CCDC7: variants seen among roughly 807,000 people sequenced by gnomAD.
CCDC7 encodes coiled-coil domain containing 7.
Under a neutral mutation model 196.9 loss-of-function variants are expected in CCDC7, and 183 were observed. That is an observed-to-expected ratio of 0.93 (90% CI 0.82 to 1.05). The LOEUF (loss-of-function observed/expected upper bound fraction) is 1.05. Among genes scored for constraint, CCDC7 ranks in the 50% least tolerant of loss-of-function variants. The probability of loss-of-function intolerance (pLI) is 0.00; values close to 1 mark genes in which losing one functional copy is unlikely to be tolerated. For synonymous variants in CCDC7, 525 were observed against 484.6 expected, an observed-to-expected ratio of 1.08 and a Z score of -1.10; for missense variants, 1,540 against 1,482.2, an observed-to-expected ratio of 1.04 and a Z score of -0.64.
At chr10:32,548,276 T>G (rs549855238) in intron 13 of CCDC7, among the ~76,000 whole-genome samples, 1 of 152,034 alleles carries the variant, frequency 6.6e-6, no homozygotes, top group Non-Finnish European at 1.5e-5. Context: ...TTGGCTATTT[T>G]AAAGAGAGCA....
intron 3 of CCDC7, among the ~76,000 whole-genome samples, chr10:32,460,823 C>G (rs373441156): frequency 6.6e-6 from 1 of 152,120 alleles, no homozygotes; most frequent in African/African-American, 2.4e-5. Flanking sequence ...AGTCCCACTT[C>G]TAGAATTTCT....
chr10:32,543,279 G>T, intron 11 of CCDC7, 21 bp from the exon 13 acceptor site: 4 of 1,376,100 alleles, frequency 2.9e-6, no homozygotes, highest in East Asian at 2.7e-5. Flanking sequence ...CTTTATTTCT[G>T]GCTTATGTAA....
intron 9 of CCDC7, among the ~76,000 whole-genome samples, chr10:32,515,990 A>G (rs2046968628): frequency 6.6e-6 from 1 of 152,188 alleles, no homozygotes; most frequent in African/African-American, 2.4e-5. Context: ...CATCAGAAGT[A>G]CAATCAACAA....
At chr10:32,805,381 T>C (rs2085617898) in intron 30 of CCDC7, among the ~76,000 whole-genome samples, 1 of 152,220 alleles carries the variant, frequency 6.6e-6, no homozygotes, top group Admixed American at 6.5e-5. Context: ...TTCAAAATTA[T>C]TTTAGTCCCT....
chr10:32,790,699 G>C (rs1362395782), intron 29 of CCDC7, among the ~76,000 whole-genome samples: 1 of 152,124 alleles, frequency 6.6e-6, no homozygotes, highest in Non-Finnish European at 1.5e-5. Flanking sequence ...CTGTGTCAGT[G>C]CTTCATTCTG....
intron 28 of CCDC7, among the ~76,000 whole-genome samples, chr10:32,739,681 T>C (rs2085480548): frequency 1.3e-5 from 2 of 151,998 alleles, no homozygotes; most frequent in Non-Finnish European, 1.5e-5. Flanking sequence ...TTAGCATGAC[T>C]TGAAATTTTT....
chr10:32,448,375 C>A (rs976763320), upstream of CCDC7, among the ~76,000 whole-genome samples: 1 of 151,788 alleles, frequency 6.6e-6, no homozygotes, highest in Non-Finnish European at 1.5e-5. Flanking sequence ...AGCGGGGTGT[C>A]ATCTACTTGT....
chr10:32,605,024 T>C (rs963584246), intron 18 of CCDC7, among the ~76,000 whole-genome samples: 1 of 152,132 alleles, frequency 6.6e-6, no homozygotes, highest in African/African-American at 2.4e-5. Context: ...TGGTAGGATG[T>C]GTTAGAGTTG....
At chr10:32,462,597 A>G (rs1028123001) in intron 3 of CCDC7, 86 bp from the exon 5 acceptor site, 3 of 1,105,862 alleles carry the variant, frequency 2.7e-6, no homozygotes, top group Admixed American at 3.3e-5. Context: ...TGTGATTGAA[A>G]ATTGCAAAAG....
At chr10:32,709,455 A>T (rs1330347692) in intron 24 of CCDC7, among the ~76,000 whole-genome samples, 1 of 152,178 alleles carries the variant, frequency 6.6e-6, no homozygotes, top group Non-Finnish European at 1.5e-5. Flanking sequence ...TGTACCCTAG[A>T]ACTTAAAGTA....
intron 29 of CCDC7, 53 bp downstream of exon 30, chr10:32,779,137 T>C (rs1349790394): frequency 1.5e-6 from 2 of 1,319,994 alleles, no homozygotes; most frequent in African/African-American, 3.0e-5. Context: ...AGAATTAAAA[T>C]ATTTCAACTG....
At chr10:32,657,246 G>A (rs1362430466) in intron 20 of CCDC7, among the ~76,000 whole-genome samples, 2 of 152,190 alleles carry the variant, frequency 1.3e-5, no homozygotes, top group Non-Finnish European at 2.9e-5. Flanking sequence ...TCTTCTCACA[G>A]CTCTACTAGG....
chr10:32,452,897 A>C (rs988552895), intron 1 of CCDC7, among the ~76,000 whole-genome samples: 2 of 152,188 alleles, frequency 1.3e-5, no homozygotes, highest in African/African-American at 4.8e-5. Context: ...TAGTACATCA[A>C]ACTTGTACAG....
chr10:32,609,586 T>A (rs535012214), intron 18 of CCDC7, among the ~76,000 whole-genome samples: 1 of 152,294 alleles, frequency 6.6e-6, no homozygotes, highest in South Asian at 2.1e-4. Flanking sequence ...AGGTTACTGT[T>A]GATACACAAG....
At chr10:32,598,454 G>A (rs904514396) in intron 18 of CCDC7, among the ~76,000 whole-genome samples, 1 of 152,182 alleles carries the variant, frequency 6.6e-6, no homozygotes, top group Admixed American at 6.5e-5. Flanking sequence ...TGAGCTTCCA[G>A]GGTGAGGCGA....
chr10:32,705,532 T>A (rs1050631472), intron 24 of CCDC7, among the ~76,000 whole-genome samples: 5 of 152,024 alleles, frequency 3.3e-5, no homozygotes, highest in Admixed American at 3.3e-4. Context: ...ACAAGTTGGA[T>A]AAAGAGTCAA....
intron 29 of CCDC7, among the ~76,000 whole-genome samples, chr10:32,801,140 G>A (rs551409160): frequency 6.6e-6 from 1 of 152,308 alleles, no homozygotes; most frequent in African/African-American, 2.4e-5. Flanking sequence ...ATACAGAGAA[G>A]AGCAATCACA....
At chr10:32,581,186 C>T (rs1045080830) in intron 16 of CCDC7, among the ~76,000 whole-genome samples, 3 of 151,998 alleles carry the variant, frequency 2.0e-5, no homozygotes, top group Non-Finnish European at 4.4e-5. Flanking sequence ...AATACATGCT[C>T]ATAATTAGAC....
chr10:32,722,217 A>G (rs1238847295), intron 25 of CCDC7, among the ~76,000 whole-genome samples: 2 of 152,070 alleles, frequency 1.3e-5, no homozygotes, highest in African/African-American at 2.4e-5. Context: ...AACTAGAGCA[A>G]TTTTCTTTGG....
Sources: gnomAD v4.1 joint callset for allele counts (sites outside exome capture counted in the v4.1 genomes callset) on GRCh38, gnomAD v4.1.1 for gene constraint, MANE v1.5 for transcripts, NCBI Gene and HGNC (gene_info 2026-07-23, HGNC 2026-07-21) for gene names.